Variants in ASH1L observed in about 807,000 individuals in gnomAD.
ASH1L encodes the protein ASH1 like histone lysine methyltransferase, also known as histone-lysine N-methyltransferase ASH1L.
A neutral mutation model predicts 269.0 loss-of-function variants in ASH1L; 23 were observed. The ratio of observed to expected loss-of-function variants is 0.09; its 90% CI spans 0.06 to 0.12. The LOEUF (loss-of-function observed/expected upper bound fraction) is 0.12. ASH1L is among the 10% of genes least tolerant of loss of function. ASH1L has a pLI of 1.00. For missense variants in ASH1L, 2,912 were observed against 3,567.8 expected, an observed-to-expected ratio of 0.82 and a Z score of 4.68; for synonymous variants, 1,187 against 1,253.5, an observed-to-expected ratio of 0.95 and a Z score of 1.12.
At chr1:155,536,689 T>C (rs1486057070) in intron 1 of ASH1L, among the ~76,000 whole-genome samples, 1 of 152,058 alleles carries the variant, frequency 6.6e-6, no homozygotes, top group Non-Finnish European at 1.5e-5. Context: ...GCTATGATCA[T>C]GCCACTGCAC....
intron 3 of ASH1L, 134 bp downstream of exon 3, chr1:155,477,752 C>T (rs997942405): frequency 6.0e-6 from 5 of 831,938 alleles, no homozygotes; most frequent in African/African-American, 3.6e-5. Context: ...AAAAGGAATA[C>T]TGAGATTTCA....
intron 2 of ASH1L, among the ~76,000 whole-genome samples, chr1:155,502,071 C>CTT (rs769262562): frequency 3.6e-4 from 46 of 126,412 alleles, no homozygotes; most frequent in African/African-American, 9.0e-4. Context: ...CTTTTCTTTT[C>CTT]TTTTTTTTTT....
chr1:155,453,209 G>C (rs1409534268), intron 4 of ASH1L, among the ~76,000 whole-genome samples: 1 of 152,048 alleles, frequency 6.6e-6, no homozygotes, highest in Non-Finnish European at 1.5e-5. Context: ...ACAAAACTTA[G>C]CCAGGCGTGG....
chr1:155,547,765 G>A (rs1425354723), intron 1 of ASH1L, among the ~76,000 whole-genome samples: 1 of 151,574 alleles, frequency 6.6e-6, no homozygotes, highest in Non-Finnish European at 1.5e-5. Flanking sequence ...GAAGTCAGGA[G>A]ATTGAGACCA....
chr1:155,495,523 G>A (rs1293301268), intron 2 of ASH1L, among the ~76,000 whole-genome samples: 1 of 152,040 alleles, frequency 6.6e-6, no homozygotes, highest in Non-Finnish European at 1.5e-5. Flanking sequence ...GAAAATATAA[G>A]TACACCTGTA....
intron 1 of ASH1L, among the ~76,000 whole-genome samples, chr1:155,560,406 T>C (rs984742893): frequency 3.9e-5 from 6 of 152,198 alleles, no homozygotes. Context: ...TTCATATTCA[T>C]AGAGGGGATT....
At chr1:155,557,281 G>C (rs971144758) in intron 1 of ASH1L, among the ~76,000 whole-genome samples, 37 of 143,366 alleles carry the variant, frequency 2.6e-4, no homozygotes, top group Non-Finnish European at 4.1e-4. Flanking sequence ...TTTTTTTTTT[G>C]AGACAGAGTC....
chr1:155,507,442 G>A (rs1373560482), intron 2 of ASH1L, among the ~76,000 whole-genome samples: 1 of 152,124 alleles, frequency 6.6e-6, no homozygotes, highest in South Asian at 2.1e-4. Context: ...AATTCATTGT[G>A]CTCATGAAAT....
rs1429372393 is a variant in ASH1L at position 155,562,336 on chromosome 1, C to G, written c.-283G>C. The G allele has an allele frequency of 6.4e-7, 1 of 1,560,460 alleles. No homozygotes were observed. The highest frequency in any genetic ancestry group is 8.8e-7 in the Non-Finnish European group (1 of 1,140,616). On this transcript the variant is annotated 5_prime_UTR_variant, in exon 1 of 28. Coordinates refer to ENST00000392403, the MANE Select transcript of ASH1L (RefSeq NM_018489.3). ...GAGAGGAGAAGGGAAAGGTGGAAGG[C>G]TAAAGGGGGCAAACTGAGGGGAGGC... is the stretch of plus-strand genomic sequence containing the variant.
At chr1:155,359,494 C>A (rs115750961) in intron 13 of ASH1L, among the ~76,000 whole-genome samples, 1,562 of 152,242 alleles carry the variant, frequency 0.01, 28 homozygotes, top group African/African-American at 0.036. Flanking sequence ...TCAGGCTAAT[C>A]TCGAACTCCC....
intron 6 of ASH1L, among the ~76,000 whole-genome samples, chr1:155,400,419 G>A (rs1427044311): frequency 1.3e-5 from 2 of 152,104 alleles, no homozygotes; most frequent in African/African-American, 4.8e-5. Context: ...TGATTGTGGA[G>A]TAAGACATTA....
At chr1:155,358,242 T>G (rs1654591110) in intron 13 of ASH1L, among the ~76,000 whole-genome samples, 1 of 152,074 alleles carries the variant, frequency 6.6e-6, no homozygotes, top group African/African-American at 2.4e-5. Context: ...GGATTAAATT[T>G]TAGGAAAACT....
At chr1:155,389,974 C>T (rs1657782731) in intron 7 of ASH1L, among the ~76,000 whole-genome samples, 1 of 149,978 alleles carries the variant, frequency 6.7e-6, no homozygotes, top group Admixed American at 6.7e-5. Flanking sequence ...TTCTTCCTTC[C>T]TGATCATTAT....
rs1159264481 is a variant in ASH1L at position 155,478,906 on chromosome 1, T to C, written c.3964A>G (p.Ile1322Val). The C allele has an allele frequency of 1.9e-6, 3 of 1,613,900 alleles. No individual in the cohort carries two copies. Among genetic ancestry groups the C allele is most frequent in the Non-Finnish European group, 2.5e-6 (3 of 1,179,958 alleles). ...TGTGTATAGAAACTATTAAAGTTGA[T>C]TCGAAAGATAGTTGGCAGAAGATCT... ...PRDLLPTIFR[I>V]NFNSFYTHPS... The change falls in exon 3 of 28, where the codon ATC becomes GTC. Residue 1322 changes from isoleucine to valine, a missense_variant. This residue lies in a region of ASH1L where 789 missense variants were observed against 897.6 expected (regional missense o/e 0.88). Coordinates refer to ENST00000392403, the MANE Select transcript of ASH1L (RefSeq NM_018489.3). This position sits in a 1 kb window ranked among gnomAD's most constrained non-coding sequence, Gnocchi z 4.6.
chr1:155,525,490 A>G (rs768863830), intron 1 of ASH1L, among the ~76,000 whole-genome samples: 20 of 150,758 alleles, frequency 1.3e-4, no homozygotes, highest in Admixed American at 4.0e-4. Context: ...GGATGCTACT[A>G]CTCCCAAACA....
chr1:155,486,166 GT>G (rs993001831), intron 2 of ASH1L, among the ~76,000 whole-genome samples: 2 of 152,106 alleles, frequency 1.3e-5, no homozygotes, highest in Non-Finnish European at 2.9e-5. Context: ...TGATGCAAGT[GT>G]TTTAAGTTTG....
At chr1:155,414,933 C>T (rs1221320482) in intron 6 of ASH1L, among the ~76,000 whole-genome samples, 2 of 152,006 alleles carry the variant, frequency 1.3e-5, no homozygotes, top group African/African-American at 4.8e-5. Context: ...CAAGATAATA[C>T]AAAGTTCTTA....
At position 155,521,524 on chromosome 1, in the gene ASH1L, A is replaced by G; in HGVS notation, c.-5T>C. The stretch of plus-strand genomic sequence containing the variant: ...AGCAGTATTTCTAGGGTCCATCACA[A>G]GCGTATGTTATTGCCAAGGAATCTT... On this transcript the variant is annotated 5_prime_UTR_variant, in exon 2 of 28. Coordinates refer to ENST00000392403, the MANE Select transcript of ASH1L (RefSeq NM_018489.3). 1 of 1,592,294 alleles carries G rather than the reference A, an allele frequency of 6.3e-7. No individual in the cohort carries two copies. The highest frequency in any genetic ancestry group is 8.5e-7 in the Non-Finnish European group (1 of 1,170,852).
At chr1:155,393,976 G>A (rs767886668) in intron 7 of ASH1L, among the ~76,000 whole-genome samples, 17 of 152,148 alleles carry the variant, frequency 1.1e-4, no homozygotes, top group Non-Finnish European at 2.1e-4. Flanking sequence ...TAATCTAATG[G>A]AGGAGCCAAA....
Sources: allele counts gnomAD v4.1 joint callset (sites outside exome capture counted in the v4.1 genomes callset), GRCh38; gene constraint gnomAD v4.1.1; regional missense constraint gnomAD v4.1.1; non-coding constraint Gnocchi (gnomAD v3.1); transcripts MANE v1.5; gene names NCBI Gene and HGNC (gene_info 2026-07-23, HGNC 2026-07-21).